The following TAB2 variants were observed in gnomAD, a reference collection of about 807,000 sequenced individuals.
TAB2 encodes TGF-beta activated kinase 1 (MAP3K7) binding protein 2.
In TAB2, 3 loss-of-function variants were observed where a neutral mutation model predicts 65.0. The ratio of observed to expected loss-of-function variants is 0.05; its 90% CI spans 0.02 to 0.12. TAB2 has a LOEUF of 0.12. TAB2 is among the 10% of genes least tolerant of loss of function. The probability of loss-of-function intolerance (pLI) is 1.00; values close to 1 mark genes in which losing one functional copy is unlikely to be tolerated. For missense variants in TAB2, 623 were observed against 840.3 expected (o/e 0.74, Z 3.20); for synonymous variants, 298 against 285.1 (o/e 1.05, Z -0.46).
chr6:149,409,620 A>T lies in TAB2; in HGVS notation c.1983A>T (p.Glu661Asp), dbSNP rs1782778376. 6.2e-7 allele frequency: 1 copy of T among 1,614,150 alleles called. No individual in the cohort carries two copies. Among genetic ancestry groups the T allele is most frequent in the Non-Finnish European group, 8.5e-7 (1 of 1,179,946 alleles). Residue 661 changes from glutamate to aspartate, a missense_variant, in exon 7 of 7, where the codon GAA (glutamate) becomes GAT (aspartate). Physicochemically the swap from Glu to Asp is conservative, Grantham distance 45. Around this residue, in one of 3 missense-constraint regions of TAB2, gnomAD observed 56 missense variants for 130.3 expected, o/e 0.43. Coordinates refer to ENST00000637181, the MANE Select transcript of TAB2 (RefSeq NM_001292034.3). ...AAACACCAAAGACTCAAGACACAGAAGATGATGAGGGAGCTCAGTGGAATT... is the reference window on the plus strand; with the variant it reads ...AAACACCAAAGACTCAAGACACAGATGATGATGAGGGAGCTCAGTGGAATT... Reference protein sequence around the residue: ...IIKTPKTQDTEDDEGAQWNCT... With the variant: ...IIKTPKTQDTDDDEGAQWNCT...
chr6:149,218,842 T>C, intron 1 of TAB2: 1 of 451,436 alleles, frequency 2.2e-6, no homozygotes, highest in South Asian at 1.6e-5. Flanking sequence ...CTGAAGTCTG[T>C]TTGAACTTCT....
rs1348049978 is a variant in TAB2 at position 149,317,723 on chromosome 6, TCTG to T, written c.-377_-375del. ...GACGCCGCCCAGCCGTCGTTTTTGATCTGCTGCAGCCGCCGGCGGGGCGACCCA... is the reference window on the plus strand; with the variant it reads ...GACGCCGCCCAGCCGTCGTTTTTGATCTGCAGCCGCCGGCGGGGCGACCCA... On this transcript the variant is annotated 5_prime_UTR_variant, in exon 1 of 7. Transcript: ENST00000637181. This position sits in a 1 kb window ranked among gnomAD's most constrained non-coding sequence, Gnocchi z 4.7. 6.3e-6 allele frequency: 1 copy of T among 157,762 alleles called. No individual in the cohort carries two copies. The highest frequency in any genetic ancestry group is 1.4e-5 in the Non-Finnish European group (1 of 71,628). The allele number at this position is 157,762 out of a possible 1,614,324, so 9.8% of individuals were successfully genotyped here.
chr6:149,341,250 A>G (rs1461187381), intron 1 of TAB2, among the ~76,000 whole-genome samples: 2 of 152,176 alleles, frequency 1.3e-5, no homozygotes, highest in East Asian at 1.9e-4. Context: ...TTTATTTATC[A>G]TCAGCTCTCA....
At chr6:149,309,709 C>CT (rs1418815427) in intron 1 of TAB2, among the ~76,000 whole-genome samples, 1 of 105,860 alleles carries the variant, frequency 9.4e-6, no homozygotes, top group Non-Finnish European at 1.9e-5. Context: ...AATTATTCCT[C>CT]TTTAAAAAAA....
chr6:149,409,602 A>G lies in TAB2; in HGVS notation c.1965A>G (p.Pro655=). Residue 655 remains proline (P), a synonymous_variant, in exon 7 of 7, where the codon CCA becomes CCG. Coordinates refer to ENST00000637181, the MANE Select transcript of TAB2 (RefSeq NM_001292034.3). ...ATCAAAGGTCCATCATCAAAACACC[A>G]AAGACTCAAGACACAGAAGATGATG... ...PKDQRSIIKT[P]KTQDTEDDEG... 1 of 1,614,092 alleles carries G rather than the reference A, an allele frequency of 6.2e-7. No individual in the cohort carries two copies. Among genetic ancestry groups the G allele is most frequent in the Non-Finnish European group, 8.5e-7 (1 of 1,179,904 alleles).
chr6:149,366,324 T>C (rs560686091), intron 1 of TAB2, among the ~76,000 whole-genome samples: 38 of 152,300 alleles, frequency 2.5e-4, no homozygotes, highest in African/African-American at 8.4e-4. Flanking sequence ...GCCTTGCTGC[T>C]TGAATGGAAT....
intron 2 of TAB2, among the ~76,000 whole-genome samples, chr6:149,372,108 A>G (rs1583133745): frequency 6.6e-6 from 1 of 152,212 alleles, no homozygotes; most frequent in African/African-American, 2.4e-5. Flanking sequence ...CATATAGTAC[A>G]GGTATAGAGA....
intron 1 of TAB2, among the ~76,000 whole-genome samples, chr6:149,283,437 T>C (rs573446353): frequency 1.3e-5 from 2 of 152,116 alleles, no homozygotes; most frequent in Non-Finnish European, 2.9e-5. Flanking sequence ...GGGCCAGGCA[T>C]GGTGACTCAT....
chr6:149,245,814 C>T (rs1172127166), intron 1 of TAB2, among the ~76,000 whole-genome samples: 1 of 152,198 alleles, frequency 6.6e-6, no homozygotes, highest in African/African-American at 2.4e-5. Flanking sequence ...CATTCCCCTA[C>T]AGATGGATGG....
chr6:149,339,601 A>T (rs199851289), intron 1 of TAB2, among the ~76,000 whole-genome samples: 4,401 of 25,198 alleles, frequency 0.17, 318 homozygotes, highest in African/African-American at 0.35. Context: ...TTATTTATTT[A>T]TTTATTTTTT....
chr6:149,366,657 A>G (rs1037702114), intron 1 of TAB2, among the ~76,000 whole-genome samples: 3 of 152,158 alleles, frequency 2.0e-5, no homozygotes, highest in East Asian at 1.9e-4. Flanking sequence ...TTCCTCCTTC[A>G]GGTAGTTTTT....
intron 1 of TAB2, among the ~76,000 whole-genome samples, chr6:149,275,367 G>A (rs750076335): frequency 3.3e-5 from 5 of 152,082 alleles, no homozygotes; most frequent in Admixed American, 6.6e-5. Flanking sequence ...ACTCGCCAAC[G>A]AAAGAAGCTC....
chr6:149,235,079 A>G (rs1358235273), intron 1 of TAB2, among the ~76,000 whole-genome samples: 1 of 152,232 alleles, frequency 6.6e-6, no homozygotes, highest in East Asian at 1.9e-4. Context: ...CAGCTTTTTA[A>G]GTGTGCGCTC....
chr6:149,302,988 T>C (rs564461460), intron 1 of TAB2, among the ~76,000 whole-genome samples: 2 of 152,370 alleles, frequency 1.3e-5, no homozygotes, highest in East Asian at 1.9e-4. Flanking sequence ...ATTAAATTCT[T>C]ATAGGAGCAC....
intron 1 of TAB2, among the ~76,000 whole-genome samples, chr6:149,280,469 C>T (rs11962206): frequency 0.016 from 2,437 of 152,240 alleles, 76 homozygotes; most frequent in African/African-American, 0.055. Context: ...TTCACCCTTA[C>T]TATTCATCTT....
At chr6:149,230,865 A>C (rs961975904) in intron 1 of TAB2, among the ~76,000 whole-genome samples, 2 of 152,232 alleles carry the variant, frequency 1.3e-5, no homozygotes, top group African/African-American at 4.8e-5. Flanking sequence ...GTATTTTTCT[A>C]TGGTCAGGCT....
At chr6:149,263,203 A>G (rs1778190720) in intron 1 of TAB2, among the ~76,000 whole-genome samples, 1 of 152,252 alleles carries the variant, frequency 6.6e-6, no homozygotes, top group Non-Finnish European at 1.5e-5. Flanking sequence ...TAGGCAAAGC[A>G]AAAATGCTGA....
In TAB2 at chr6:149,378,713, A is replaced by G. The variant is rs573087020; in HGVS notation, c.798A>G (p.Ser266=). ...WTTCPASNPL[S]HTSSQQPNQQ... The stretch of plus-strand genomic sequence containing the variant: ...CTTGTCCTGCATCTAATCCTCTGTC[A>G]CATACCTCATCTCAACAGCCAAATC... The change falls in exon 3 of 7, where the codon TCA becomes TCG. Residue 266 remains serine (S), a synonymous_variant. Transcript: ENST00000637181. 2.0e-5 allele frequency: 32 copies of G among 1,614,016 alleles called. No individual in the cohort carries two copies. In the East Asian group the frequency reaches 6.7e-4, roughly 34 times the overall value.
At chr6:149,251,176 T>G (rs913092570) in intron 1 of TAB2, among the ~76,000 whole-genome samples, 1 of 152,184 alleles carries the variant, frequency 6.6e-6, no homozygotes, top group African/African-American at 2.4e-5. Context: ...GAGATGACTG[T>G]AAACGTGGAC....
Sources: allele counts gnomAD v4.1 joint callset (sites outside exome capture counted in the v4.1 genomes callset), GRCh38; gene constraint gnomAD v4.1.1; regional missense constraint gnomAD v4.1.1; non-coding constraint Gnocchi (gnomAD v3.1); transcripts MANE v1.5; gene names NCBI Gene and HGNC (gene_info 2026-07-23, HGNC 2026-07-21).